The following TBCK variants were observed in gnomAD, a reference collection of about 807,000 sequenced individuals.
TBCK encodes the protein TBC domain-containing protein kinase-like protein.
Under a neutral mutation model 113.4 loss-of-function variants are expected in TBCK, and 99 were observed. That is an observed-to-expected ratio of 0.87 (90% CI 0.74 to 1.03). The LOEUF is 1.03. Ranked by LOEUF, TBCK falls within the 50% of genes least tolerant of loss-of-function variation. TBCK has a pLI of 0.00. For missense variants in TBCK, 1,045 were observed against 1,061.3 expected (o/e 0.98, Z 0.21); for synonymous variants, 369 against 370.8 (o/e 1.00, Z 0.05).
intron 24 of TBCK, among the ~76,000 whole-genome samples, chr4:106,115,004 T>A (rs1020206164): frequency 2.6e-5 from 4 of 152,168 alleles, no homozygotes; most frequent in African/African-American, 9.7e-5. Flanking sequence ...AAATAGAAAG[T>A]AGCAACTTTT....
intron 20 of TBCK, among the ~76,000 whole-genome samples, chr4:106,197,411 G>GTGTATGTATA (rs35695611): frequency 8.2e-6 from 1 of 122,446 alleles, no homozygotes; most frequent in Non-Finnish European, 1.7e-5. Context: ...GTGTGTGTGT[G>GTGTATGTATA]TATATATATA....
intron 23 of TBCK, among the ~76,000 whole-genome samples, chr4:106,140,384 T>C (rs1398905448): frequency 7.1e-6 from 1 of 141,276 alleles, no homozygotes; most frequent in Non-Finnish European, 1.6e-5. Flanking sequence ...AAATAGCTAT[T>C]CTATTGCAAA....
At chr4:106,284,397 A>G (rs1327919731) in intron 3 of TBCK, among the ~76,000 whole-genome samples, 1 of 152,136 alleles carries the variant, frequency 6.6e-6, no homozygotes, top group African/African-American at 2.4e-5. Flanking sequence ...AGGGGAAAAT[A>G]AAACTCACTA....
intron 24 of TBCK, among the ~76,000 whole-genome samples, chr4:106,115,433 G>A (rs966477570): frequency 1.3e-5 from 2 of 152,078 alleles, no homozygotes; most frequent in East Asian, 3.9e-4. Flanking sequence ...CCATTAACCT[G>A]CTAACCCTCA....
At chr4:106,259,235 A>C (rs1762278727) in intron 5 of TBCK, among the ~76,000 whole-genome samples, 1 of 151,880 alleles carries the variant, frequency 6.6e-6, no homozygotes, top group African/African-American at 2.4e-5. Flanking sequence ...TAAAGAAAAA[A>C]GGGCAAGTTA....
At chr4:106,145,897 G>A (rs975367251) in intron 23 of TBCK, among the ~76,000 whole-genome samples, 1 of 152,094 alleles carries the variant, frequency 6.6e-6, no homozygotes, top group Non-Finnish European at 1.5e-5. Context: ...CAAAAAAACA[G>A]ATGCTGGCAA....
intron 25 of TBCK, among the ~76,000 whole-genome samples, chr4:106,051,881 T>C (rs1734850516): frequency 1.3e-5 from 2 of 152,012 alleles, no homozygotes; most frequent in East Asian, 3.9e-4. Context: ...CCCATCTCAG[T>C]GCTCTCAATG....
intron 25 of TBCK, among the ~76,000 whole-genome samples, chr4:106,089,546 C>G (rs915882903): frequency 6.6e-6 from 1 of 152,190 alleles, no homozygotes; most frequent in African/African-American, 2.4e-5. Flanking sequence ...ACTCAAGTCT[C>G]AAGTGCCAAG....
intron 3 of TBCK, among the ~76,000 whole-genome samples, chr4:106,286,859 G>A (rs1265611090): frequency 6.7e-6 from 1 of 149,112 alleles, no homozygotes; most frequent in Non-Finnish European, 1.5e-5. Flanking sequence ...CAGCAGCCTG[G>A]GTGACAAAGC....
chr4:106,109,810 A>C (rs1257971497), intron 24 of TBCK, among the ~76,000 whole-genome samples: 1 of 152,236 alleles, frequency 6.6e-6, no homozygotes, highest in Non-Finnish European at 1.5e-5. Flanking sequence ...TGCACAGCAA[A>C]AGAAACTATC....
chr4:106,188,294 C>A (rs1484562190), intron 22 of TBCK, among the ~76,000 whole-genome samples: 1 of 152,098 alleles, frequency 6.6e-6, no homozygotes, highest in Non-Finnish European at 1.5e-5. Flanking sequence ...CAATATCTAT[C>A]AGCAGTATAT....
intron 11 of TBCK, among the ~76,000 whole-genome samples, 176 bp downstream of exon 11, chr4:106,244,450 A>T (rs1760528661): frequency 2.0e-5 from 3 of 152,106 alleles, no homozygotes; most frequent in Non-Finnish European, 4.4e-5. Context: ...GGCCAATCAA[A>T]CAAGGTGTTG....
intron 5 of TBCK, among the ~76,000 whole-genome samples, chr4:106,252,710 G>A (rs1761569462): frequency 6.6e-6 from 1 of 151,978 alleles, no homozygotes. Context: ...ATAATGAGAT[G>A]AATATATTAT....
intron 23 of TBCK, chr4:106,164,301 G>A (rs974511100): frequency 1.3e-5 from 2 of 151,850 alleles, no homozygotes; most frequent in African/African-American, 4.8e-5. Context: ...AATTTCAGCA[G>A]ACAGTGTTTA....
intron 25 of TBCK, among the ~76,000 whole-genome samples, chr4:106,066,661 C>T (rs552339488): frequency 2.4e-4 from 36 of 152,054 alleles, no homozygotes; most frequent in African/African-American, 6.7e-4. Flanking sequence ...AAACTTTGGA[C>T]TCATTAAGCA....
chr4:106,164,014 T>C (rs978939542), intron 23 of TBCK, among the ~76,000 whole-genome samples: 2 of 152,126 alleles, frequency 1.3e-5, no homozygotes, highest in African/African-American at 4.8e-5. Context: ...TTTGGGCCAA[T>C]GGTAGAATAA....
chr4:106,305,712 G>A (rs1299429077), intron 2 of TBCK, among the ~76,000 whole-genome samples: 1 of 152,046 alleles, frequency 6.6e-6, no homozygotes, highest in Non-Finnish European at 1.5e-5. Flanking sequence ...TGAGATAGGA[G>A]GTCAGCACAA....
At chr4:106,257,154 C>A (rs1457287576) in intron 5 of TBCK, among the ~76,000 whole-genome samples, 1 of 152,092 alleles carries the variant, frequency 6.6e-6, no homozygotes, top group Admixed American at 6.5e-5. Flanking sequence ...AAATTTGAAT[C>A]CCAGTGCCTA....
At chr4:106,248,553 T>C (rs1196789973) in intron 8 of TBCK, among the ~76,000 whole-genome samples, 1 of 152,180 alleles carries the variant, frequency 6.6e-6, no homozygotes, top group Non-Finnish European at 1.5e-5. Flanking sequence ...TTTGAATGTG[T>C]TCCCTCCAAA....
Sources: gnomAD v4.1 joint callset for allele counts (sites outside exome capture counted in the v4.1 genomes callset) on GRCh38, gnomAD v4.1.1 for gene constraint, MANE v1.5 for transcripts, NCBI Gene and HGNC (gene_info 2026-07-23, HGNC 2026-07-21) for gene names.